C1QTNF3: variants seen among roughly 807,000 people sequenced by gnomAD.
C1QTNF3 encodes the protein C1q and TNF related 3.
In C1QTNF3, 26 loss-of-function variants were observed where a neutral mutation model predicts 32.6. The observed-to-expected ratio is 0.80, with a 90% CI of 0.58 to 1.11. The LOEUF (loss-of-function observed/expected upper bound fraction) is 1.11. Among genes scored for constraint, C1QTNF3 ranks in the 50% least tolerant of loss-of-function variants. The pLI is 0.00. For synonymous variants in C1QTNF3, 155 were observed against 146.0 expected (o/e 1.06, Z -0.44); for missense variants, 362 against 398.2 (o/e 0.91, Z 0.77).
chr5:34,113,001 T>A, the C1QTNF3 span, among the ~76,000 whole-genome samples: 55 of 151,150 alleles, frequency 3.6e-4, no homozygotes, highest in Non-Finnish European at 1.5e-5. Flanking sequence ...ATAATCTAAT[T>A]CAATGAGGTT....
the C1QTNF3 span, chr5:34,165,549 C>T: frequency 8.6e-5 from 13 of 151,992 alleles, no homozygotes; most frequent in Admixed American, 8.5e-4. Context: ...ACTGTAACTG[C>T]TGTCATTGAT....
At chr5:34,091,323 C>G in the C1QTNF3 span, among the ~76,000 whole-genome samples, 1 of 152,302 alleles carries the variant, frequency 6.6e-6, no homozygotes, top group Admixed American at 6.5e-5. Context: ...ATGTGACCTA[C>G]ACAACATTCT....
At chr5:34,172,303 C>T in the C1QTNF3 span, among the ~76,000 whole-genome samples, 6 of 151,920 alleles carry the variant, frequency 3.9e-5, no homozygotes, top group East Asian at 7.7e-4. Context: ...TTATAATGTA[C>T]TGTAATAAAA....
the C1QTNF3 span, among the ~76,000 whole-genome samples, chr5:34,212,732 A>G: frequency 2.0e-5 from 3 of 149,470 alleles, no homozygotes; most frequent in East Asian, 2.0e-4. Flanking sequence ...TTAGAATGGC[A>G]ATCATTAAAA....
At chr5:34,202,130 T>C in the C1QTNF3 span, among the ~76,000 whole-genome samples, 178 of 152,308 alleles carry the variant, frequency 1.2e-3, no homozygotes, top group African/African-American at 4.0e-3. Flanking sequence ...CTAAGCTGCA[T>C]TCATAAAGCT....
the C1QTNF3 span, among the ~76,000 whole-genome samples, chr5:34,225,796 T>G: frequency 6.6e-6 from 1 of 151,972 alleles, no homozygotes; most frequent in Non-Finnish European, 1.5e-5. Context: ...AAATCTCAAA[T>G]TATCTCTCTG....
At chr5:34,096,238 T>C in the C1QTNF3 span, among the ~76,000 whole-genome samples, 1 of 151,906 alleles carries the variant, frequency 6.6e-6, no homozygotes, top group South Asian at 2.1e-4. Flanking sequence ...GTTGTCTCAG[T>C]CCATTCAGGT....
chr5:34,035,743 C>T lies in C1QTNF3; in HGVS notation c.319G>A (p.Gly107Arg), dbSNP rs1000900887. ...TFWGQSPQTG[G>R]LPPDCSKCCH... is the part of the protein sequence containing the mutation. ...CACTTACTGCAGTCTGGGGGTAGTC[C>T]TCCGGTTTGTGGAGACTAAAAAGAC... is the stretch of plus-strand genomic sequence containing the variant. Residue 107 changes from glycine (G) to arginine (R), a missense_variant, in exon 2 of 6, where the codon GGA becomes AGA. Physicochemically the swap from Gly to Arg is moderately radical, Grantham distance 125. Transcript: ENST00000382065. The T allele has an allele frequency of 6.2e-7, 1 of 1,612,726 alleles. No individual in the cohort carries two copies. The highest frequency in any genetic ancestry group is 8.5e-7 in the Non-Finnish European group (1 of 1,179,512).
the C1QTNF3 span, among the ~76,000 whole-genome samples, chr5:34,060,299 C>T: frequency 6.6e-6 from 1 of 152,058 alleles, no homozygotes; most frequent in Admixed American, 6.6e-5. Context: ...CTCACACAAA[C>T]CTAGATGGTA....
chr5:34,235,143 T>G, the C1QTNF3 span, among the ~76,000 whole-genome samples: 1 of 152,144 alleles, frequency 6.6e-6, no homozygotes, highest in Admixed American at 6.5e-5. Context: ...CTTCCCTGAT[T>G]AGTTCTTTGC....
chr5:34,067,910 T>C, the C1QTNF3 span, among the ~76,000 whole-genome samples: 1 of 152,228 alleles, frequency 6.6e-6, no homozygotes, highest in African/African-American at 2.4e-5. Context: ...ACCATTGTAA[T>C]GACTGAATAA....
chr5:34,115,130 C>T, the C1QTNF3 span, among the ~76,000 whole-genome samples: 54 of 151,792 alleles, frequency 3.6e-4, no homozygotes, highest in African/African-American at 1.3e-3. Flanking sequence ...ATATATAATT[C>T]TAGGTGGAGA....
the C1QTNF3 span, among the ~76,000 whole-genome samples, chr5:34,205,272 G>A: frequency 4.6e-5 from 7 of 152,262 alleles, no homozygotes; most frequent in African/African-American, 1.7e-4. Flanking sequence ...TGATGCTTGC[G>A]GGACTAGGTT....
chr5:34,073,729 C>T, the C1QTNF3 span, among the ~76,000 whole-genome samples: 11 of 152,002 alleles, frequency 7.2e-5, no homozygotes, highest in South Asian at 2.1e-4. Flanking sequence ...AAAATTGTAA[C>T]GACATGCATG....
At chr5:34,065,775 T>C in the C1QTNF3 span, among the ~76,000 whole-genome samples, 1,519 of 152,278 alleles carry the variant, frequency 1.0e-2, 31 homozygotes, top group African/African-American at 0.035. Flanking sequence ...TGGAAAGCAG[T>C]CTGGAGATTT....
chr5:34,115,458 C>T, the C1QTNF3 span, among the ~76,000 whole-genome samples: 3 of 152,110 alleles, frequency 2.0e-5, no homozygotes, highest in African/African-American at 4.8e-5. Context: ...TGGCCGGACA[C>T]GGTGGCTCAT....
At chr5:34,035,371 T>C (rs1383267188) in intron 2 of C1QTNF3, among the ~76,000 whole-genome samples, 3 of 152,212 alleles carry the variant, frequency 2.0e-5, no homozygotes, top group African/African-American at 7.2e-5. Flanking sequence ...GGCATTGAGA[T>C]GGCTGTAGCC....
At chr5:34,147,524 T>G in the C1QTNF3 span, among the ~76,000 whole-genome samples, 2 of 152,218 alleles carry the variant, frequency 1.3e-5, no homozygotes, top group East Asian at 3.9e-4. Context: ...GAAACATGGT[T>G]GCAGCTGGTG....
At chr5:34,044,874 G>A (rs548393161), upstream of C1QTNF3, among the ~76,000 whole-genome samples, 4 of 152,312 alleles carry the variant, frequency 2.6e-5, no homozygotes, top group African/African-American at 9.6e-5. Flanking sequence ...CCATTAAAAG[G>A]TAGATGTCCC....
Sources: gnomAD v4.1 joint callset for allele counts (sites outside exome capture counted in the v4.1 genomes callset) on GRCh38, gnomAD v4.1.1 for gene constraint, MANE v1.5 for transcripts, NCBI Gene and HGNC (gene_info 2026-07-23, HGNC 2026-07-21) for gene names.